ZCCHC10: variants seen among roughly 807,000 people sequenced by gnomAD.
The protein encoded by ZCCHC10 is zinc finger CCHC-type containing 10.
Under a neutral mutation model 19.5 loss-of-function variants are expected in ZCCHC10, and 16 were observed. The ratio of observed to expected loss-of-function variants is 0.82; its 90% confidence interval spans 0.56 to 1.25. ZCCHC10 has a LOEUF of 1.25. ZCCHC10 is among the 50% of genes most tolerant of loss of function. The pLI is 0.00. For synonymous variants in ZCCHC10, 67 were observed against 72.5 expected (o/e 0.92, Z 0.38); for missense variants, 197 against 201.0 (o/e 0.98, Z 0.12).
At chr5:133,023,864 C>G (rs901434582) in intron 1 of ZCCHC10, among the ~76,000 whole-genome samples, 2 of 152,042 alleles carry the variant, frequency 1.3e-5, no homozygotes, top group Non-Finnish European at 2.9e-5. Context: ...ATATATGCTC[C>G]TTGTAAATAA....
chr5:133,012,859 GC>G (rs1322484001), intron 2 of ZCCHC10, among the ~76,000 whole-genome samples: 1 of 152,004 alleles, frequency 6.6e-6, no homozygotes, highest in African/African-American at 2.4e-5. Flanking sequence ...GACCATCCTG[GC>G]TAACACGGTG....
intron 2 of ZCCHC10, among the ~76,000 whole-genome samples, chr5:133,012,325 G>A (rs1206891270): frequency 8.0e-5 from 12 of 149,146 alleles, no homozygotes; most frequent in South Asian, 2.1e-4. Flanking sequence ...AAAATTAGCC[G>A]GGTGTGGTGG....
Position 132,998,318 on chromosome 5 carries a change from CACAA to C in ZCCHC10, c.*261_*264del, listed in dbSNP as rs376136396. On this transcript the variant is annotated 3_prime_UTR_variant, in exon 5 of 5. Transcript: ENST00000509437. ...ACAGAGAGAAAAGATAGTTTCATCA[CACAA>C]ACAGATTTGCAGATTTCAGCTTTAA... 304 of 327,884 alleles carry C rather than the reference CACAA, an allele frequency of 9.3e-4. 1 individual carries two copies. The highest frequency in any genetic ancestry group is 7.3e-3 in the East Asian group (114 of 15,654). 20.3% of individuals were successfully genotyped at this position (327,884 alleles called of 1,614,324 possible). A position where few individuals can be genotyped will look rare whatever the true frequency, so the allele number is the denominator to read the frequency against.
At chr5:133,013,074 A>T (rs185552860) in intron 2 of ZCCHC10, among the ~76,000 whole-genome samples, 3,997 of 147,410 alleles carry the variant, frequency 0.027, 102 homozygotes, top group African/African-American at 0.061. Context: ...AAAAAAAAAA[A>T]AATAATAAAT....
intron 1 of ZCCHC10, among the ~76,000 whole-genome samples, chr5:133,025,925 C>G (rs78113300): frequency 7.9e-5 from 12 of 152,322 alleles, no homozygotes; most frequent in African/African-American, 2.9e-4. Flanking sequence ...GTCTTGAACA[C>G]CTCTATTTAT....
chr5:132,998,790 T>C lies in ZCCHC10; in HGVS notation c.372A>G (p.Ser124=). 3 of 1,614,180 alleles carry C rather than the reference T, an allele frequency of 1.9e-6. No individual in the cohort carries two copies. Among genetic ancestry groups the C allele is most frequent in the Non-Finnish European group, 2.5e-6 (3 of 1,180,042 alleles). The change falls in exon 5 of 5, where the codon TCA becomes TCG. Residue 124 remains serine (S), a synonymous_variant. Transcript: ENST00000509437. The part of the protein sequence containing the change: ...SSSDSSASDS[S]SESEETSTSS... ...AGGTAGATGTTTCTTCACTCTCTGA[T>C]GAAGAATCACTGGCAGAACTGTCAC...
intron 2 of ZCCHC10, among the ~76,000 whole-genome samples, chr5:133,008,132 G>C (rs367864714): frequency 2.6e-5 from 4 of 151,124 alleles, no homozygotes; most frequent in African/African-American, 9.8e-5. Context: ...GACTGAGGCA[G>C]GAGAATGGTG....
intron 3 of ZCCHC10, 42 bp downstream of exon 3, chr5:133,006,717 A>G: frequency 6.5e-7 from 1 of 1,545,448 alleles, no homozygotes; most frequent in South Asian, 1.2e-5. Context: ...TTCTATATAC[A>G]CATTAAAAAA....
At position 133,022,896 on chromosome 5, in the gene ZCCHC10, C is replaced by CT; in HGVS notation, c.51dup (p.Glu18ArgfsTer19). The CT allele has an allele frequency of 1.7e-6, 1 of 600,424 alleles. No individual in the cohort carries two copies. Among genetic ancestry groups the CT allele is most frequent in the Non-Finnish European group, 2.9e-6 (1 of 339,024 alleles). The allele number at this position is 600,424 out of a possible 1,614,324, so 37.2% of individuals were successfully genotyped here. The stretch of plus-strand genomic sequence containing the variant: ...CAAAAGGTCTTGACAGGCTGCAACT[C>CT]TGTGTCGAATCTAACAAGATGAAAT... On this transcript the variant is annotated frameshift_variant, in exon 2 of 5. Transcript: ENST00000509437. LOFTEE classifies it high-confidence loss of function.
At chr5:133,000,305 C>T in intron 3 of ZCCHC10, 132 bp from the exon 4 acceptor site, 1 of 983,608 alleles carries the variant, frequency 1.0e-6, no homozygotes, top group Non-Finnish European at 1.5e-6. Context: ...ATACAGAGTA[C>T]AGTATTTCTT....
chr5:133,014,326 A>AT (rs1285168802), intron 2 of ZCCHC10, among the ~76,000 whole-genome samples: 30 of 150,784 alleles, frequency 2.0e-4, no homozygotes, highest in Non-Finnish European at 3.4e-4. Context: ...CGCCTGGCTA[A>AT]TTTTTTTTTG....
intron 2 of ZCCHC10, among the ~76,000 whole-genome samples, chr5:133,009,055 A>C (rs1161470678): frequency 2.0e-5 from 3 of 151,792 alleles, no homozygotes; most frequent in Non-Finnish European, 4.4e-5. Flanking sequence ...TGCCCAGGCC[A>C]AGAGTGCAGT....
At chr5:133,009,633 A>AG (rs1763364820) in intron 2 of ZCCHC10, among the ~76,000 whole-genome samples, 1 of 151,096 alleles carries the variant, frequency 6.6e-6, no homozygotes, top group Non-Finnish European at 1.5e-5. Flanking sequence ...AAAAAAAAAA[A>AG]GAATAATCAA....
At position 133,019,238 on chromosome 5, in the gene ZCCHC10, A is replaced by G. The variant is rs1243425230; in HGVS notation, c.107+3603T>C. 3 of 299,852 alleles carry G rather than the reference A, an allele frequency of 1.0e-5. No homozygotes were observed. In the Admixed American group the frequency reaches 1.5e-4, roughly 15 times the overall value. The allele number at this position is 299,852 out of a possible 1,614,324, so 18.6% of individuals were successfully genotyped here. A position where few individuals can be genotyped will look rare whatever the true frequency, so the allele number is the denominator to read the frequency against. On this transcript the variant is annotated intron_variant, in intron 2 of 4. Coordinates refer to ENST00000509437, the MANE Select transcript of ZCCHC10 (RefSeq NM_001300816.3). ...AAAAACAGAGAGAGAAAACAAATGA[A>G]GCCCAGGTATGATTAACATATTTTA... is the stretch of plus-strand genomic sequence containing the variant.
intron 2 of ZCCHC10, among the ~76,000 whole-genome samples, chr5:133,016,213 G>T (rs777940986): frequency 6.7e-6 from 1 of 149,224 alleles, no homozygotes; most frequent in Non-Finnish European, 1.5e-5. Context: ...GGGCACACAC[G>T]TGCTTGCTGT....
chr5:133,024,670 G>A (rs544077299), intron 1 of ZCCHC10, among the ~76,000 whole-genome samples: 5 of 152,346 alleles, frequency 3.3e-5, no homozygotes, highest in Admixed American at 6.5e-5. Context: ...GGGAAGCTAA[G>A]GTGGGCAGAT....
At chr5:133,014,152 CTCTTTTT>C (rs1561547593) in intron 2 of ZCCHC10, among the ~76,000 whole-genome samples, 1 of 134,600 alleles carries the variant, frequency 7.4e-6, no homozygotes, top group African/African-American at 3.0e-5. Flanking sequence ...CTACTATTTA[CTCTTTTT>C]TTTTTTTTTT....
At chr5:133,022,805 T>C (rs1169882349) in intron 2 of ZCCHC10, 36 bp downstream of exon 2, 1 of 516,798 alleles carries the variant, frequency 1.9e-6, no homozygotes. Context: ...TACATATTTA[T>C]CAAACCTGCA....
rs143508297 is a variant in ZCCHC10, at chr5:133,026,510, C to A, written c.28G>T (p.Ala10Ser). 1.5e-4 allele frequency: 245 copies of A among 1,613,826 alleles called. No individual in the cohort carries two copies. The highest frequency in any genetic ancestry group is 5.6e-4 in the African/African-American group (42 of 75,036). ...ATCCTTACTTACGCTTGTCTCCGGG[C>A]TATTAGCCGATGCATGGGAGTCGCC... Reference protein sequence around the residue: MATPMHRLIARRQAFDTELQ... With the variant: MATPMHRLISRRQAFDTELQ... Residue 10 changes from alanine (A) to serine (S), a missense_variant, in exon 1 of 5, where the codon GCC becomes TCC. Transcript: ENST00000509437.
Sources: allele counts gnomAD v4.1 joint callset (sites outside exome capture counted in the v4.1 genomes callset), GRCh38; gene constraint gnomAD v4.1.1; transcripts MANE v1.5; gene names NCBI Gene and HGNC (gene_info 2026-07-23, HGNC 2026-07-21).